NOP58: variants seen among roughly 807,000 people sequenced by gnomAD.
The protein encoded by NOP58 is nucleolar protein 58.
Under a neutral mutation model 71.2 loss-of-function variants are expected in NOP58, and 44 were observed. The ratio of observed to expected loss-of-function variants is 0.62; its 90% confidence interval spans 0.49 to 0.79. The LOEUF (loss-of-function observed/expected upper bound fraction) is 0.79, where lower values mean the gene tolerates loss of function less well. Among genes scored for constraint, NOP58 ranks in the 30% least tolerant of loss-of-function variants. The pLI, the probability that NOP58 is intolerant of heterozygous loss-of-function variation, is 0.00. For missense variants in NOP58, 538 were observed against 620.2 expected (o/e 0.87, Z 1.41); for synonymous variants, 228 against 200.3 (o/e 1.14, Z -1.17).
chr2:202,293,202 C>G (rs1688933036), intron 9 of NOP58: 1 of 544,476 alleles, frequency 1.8e-6, no homozygotes, highest in Non-Finnish European at 3.5e-6. Context: ...GAGGATAAAA[C>G]AGTTAACATT....
At chr2:202,296,233 G>A in intron 10 of NOP58, among the ~76,000 whole-genome samples, 1 of 151,894 alleles carries the variant, frequency 6.6e-6, no homozygotes, top group East Asian at 1.9e-4. Flanking sequence ...GTCCCGCTCT[G>A]TCGCCAGGCT....
At chr2:202,302,030 A>G (rs1278554094) in intron 13 of NOP58, among the ~76,000 whole-genome samples, 1 of 124,990 alleles carries the variant, frequency 8.0e-6, no homozygotes, top group Non-Finnish European at 1.7e-5. Context: ...CATGAATATT[A>G]TTTGGTTGCT....
chr2:202,294,205 G>A (rs935048292), intron 9 of NOP58, among the ~76,000 whole-genome samples: 3 of 151,888 alleles, frequency 2.0e-5, no homozygotes, highest in African/African-American at 7.3e-5. Flanking sequence ...TGTAATCCCA[G>A]CTACTCGGGA....
chr2:202,286,746 A>G (rs1398153024), intron 5 of NOP58, among the ~76,000 whole-genome samples: 1 of 152,102 alleles, frequency 6.6e-6, no homozygotes. Flanking sequence ...GGGCAATCAG[A>G]TGTCCCCCCA....
intron 11 of NOP58, 128 bp from the exon 12 acceptor site, chr2:202,297,717 T>G (rs142828061): frequency 2.5e-6 from 2 of 813,952 alleles, no homozygotes; most frequent in East Asian, 2.7e-5. Context: ...GATATGCTAT[T>G]CAAAATAACA....
intron 1 of NOP58, among the ~76,000 whole-genome samples, chr2:202,267,974 T>A (rs760237187): frequency 6.6e-6 from 1 of 152,216 alleles, no homozygotes; most frequent in African/African-American, 2.4e-5. Context: ...TCGAATATGT[T>A]GACATTGATT....
At position 202,291,293 on chromosome 2, in the gene NOP58, C is replaced by G. The variant is rs1020169169; in HGVS notation, c.780+23C>G. On this transcript the variant is annotated intron_variant, in intron 8 of 14. Coordinates refer to ENST00000264279, the MANE Select transcript of NOP58 (RefSeq NM_015934.5). The stretch of plus-strand genomic sequence containing the variant: ...CAGGTAAATTTTACTCCTGGAGAAT[C>G]TAGTTGTGGTGTTACCAGCTCTATA... 18 of 1,579,100 alleles carry G rather than the reference C, an allele frequency of 1.1e-5. No homozygotes were observed. The Admixed American group carries it at 2.6e-4, about 23-fold the overall frequency.
At chr2:202,289,522 T>G (rs746145174) in intron 6 of NOP58, among the ~76,000 whole-genome samples, 13 of 152,158 alleles carry the variant, frequency 8.5e-5, no homozygotes, top group Non-Finnish European at 1.6e-4. Context: ...AGACTTCGAG[T>G]TCCATCCTCA....
At chr2:202,297,705 A>T in intron 11 of NOP58, 140 bp from the exon 12 acceptor site, 1 of 795,370 alleles carries the variant, frequency 1.3e-6, no homozygotes, top group Non-Finnish European at 2.0e-6. Context: ...ATTTGCCATT[A>T]GGATATGCTA....
intron 3 of NOP58, chr2:202,278,471 T>C (rs1463645615): frequency 5.8e-6 from 2 of 343,176 alleles, no homozygotes; most frequent in African/African-American, 4.3e-5. Flanking sequence ...AAAAAACATA[T>C]CAATATTCAG....
intron 4 of NOP58, 98 bp downstream of exon 4, chr2:202,282,570 C>A: frequency 8.1e-7 from 1 of 1,235,140 alleles, no homozygotes; most frequent in South Asian, 1.7e-5. Context: ...ATCATAAATT[C>A]TCAATACATT....
intron 5 of NOP58, among the ~76,000 whole-genome samples, chr2:202,286,872 T>G (rs551115986): frequency 1.3e-5 from 2 of 152,330 alleles, no homozygotes; most frequent in East Asian, 3.9e-4. Flanking sequence ...GGTCCTATAA[T>G]GCACAGGGCA....
intron 13 of NOP58, among the ~76,000 whole-genome samples, chr2:202,302,309 T>C (rs1289074633): frequency 5.9e-5 from 9 of 151,970 alleles, no homozygotes; most frequent in Non-Finnish European, 1.3e-4. Flanking sequence ...AGGCTGGTCT[T>C]GATATCCTGA....
intron 5 of NOP58, among the ~76,000 whole-genome samples, chr2:202,285,598 C>T (rs1258090293): frequency 6.6e-6 from 1 of 152,030 alleles, no homozygotes; most frequent in African/African-American, 2.4e-5. Flanking sequence ...GCCTTAGCCT[C>T]CCAAAGTGCC....
chr2:202,281,440 T>C (rs1235812456), intron 3 of NOP58, among the ~76,000 whole-genome samples: 1 of 152,078 alleles, frequency 6.6e-6, no homozygotes, highest in Non-Finnish European at 1.5e-5. Context: ...ATACTTTTTA[T>C]GTTTTTTGTT....
intron 12 of NOP58, among the ~76,000 whole-genome samples, chr2:202,299,600 T>A (rs1228720139): frequency 1.3e-5 from 2 of 152,212 alleles, no homozygotes; most frequent in Non-Finnish European, 2.9e-5. Flanking sequence ...TAGCTTGTTT[T>A]GAACCAATTT....
At chr2:202,282,772 AT>A (rs895108315) in intron 4 of NOP58, among the ~76,000 whole-genome samples, 2 of 152,026 alleles carry the variant, frequency 1.3e-5, no homozygotes, top group South Asian at 2.1e-4. Context: ...GTCTAGCCAC[AT>A]TTTTTTCCAA....
chr2:202,283,136 C>T (rs1213097620), intron 4 of NOP58, among the ~76,000 whole-genome samples: 1 of 152,210 alleles, frequency 6.6e-6, no homozygotes, highest in Non-Finnish European at 1.5e-5. Flanking sequence ...TCACAGCTCA[C>T]TGCAGACTTG....
intron 12 of NOP58, 198 bp from the exon 13 acceptor site, chr2:202,300,036 A>G: frequency 2.0e-6 from 1 of 488,088 alleles, no homozygotes; most frequent in Non-Finnish European, 3.6e-6. Flanking sequence ...CTTGAATGTG[A>G]TTGACCTACT....
Sources: gnomAD v4.1 joint callset for allele counts (sites outside exome capture counted in the v4.1 genomes callset) on GRCh38, gnomAD v4.1.1 for gene constraint, MANE v1.5 for transcripts, NCBI Gene and HGNC (gene_info 2026-07-23, HGNC 2026-07-21) for gene names.